The following BNC2 variants were observed in gnomAD, a reference collection of about 807,000 sequenced individuals.
BNC2 encodes zinc finger protein basonuclin-2.
A neutral mutation model predicts 76.3 loss-of-function variants in BNC2; 20 were observed. The ratio of observed to expected loss-of-function variants is 0.26; its 90% CI spans 0.18 to 0.38. BNC2 has a LOEUF of 0.38. BNC2 is among the 10% of genes least tolerant of loss of function. BNC2 has a pLI of 1.00. For missense variants in BNC2, 1,382 were observed against 1,399.8 expected (o/e 0.99, Z 0.20); for synonymous variants, 582 against 514.8 (o/e 1.13, Z -1.77).
chr9:16,678,777 T>C (rs1275423384), intron 3 of BNC2, among the ~76,000 whole-genome samples: 1 of 151,984 alleles, frequency 6.6e-6, no homozygotes, highest in Non-Finnish European at 1.5e-5. Context: ...CATTGATCCA[T>C]TTAGTGCACA....
At chr9:16,815,555 T>C (rs75367950) in intron 1 of BNC2, among the ~76,000 whole-genome samples, 2,958 of 152,302 alleles carry the variant, frequency 0.019, 97 homozygotes, top group African/African-American at 0.068. Flanking sequence ...AAGTCAATGA[T>C]GATAGAGTTC....
intron 6 of BNC2, chr9:16,431,307 G>T: frequency 4.0e-6 from 1 of 247,024 alleles, no homozygotes; most frequent in South Asian, 4.3e-5. Flanking sequence ...TTATAAATAG[G>T]CTTCCCTTCA....
intron 3 of BNC2, among the ~76,000 whole-genome samples, chr9:16,594,373 G>A (rs1393687311): frequency 1.3e-5 from 2 of 152,050 alleles, no homozygotes; most frequent in African/African-American, 4.8e-5. Flanking sequence ...CAATGTGAAG[G>A]GCTCCCTAAA....
intron 3 of BNC2, among the ~76,000 whole-genome samples, chr9:16,653,585 T>A (rs534016438): frequency 6.6e-5 from 10 of 152,112 alleles, no homozygotes; most frequent in African/African-American, 2.4e-4. Flanking sequence ...GGGAAGTGTT[T>A]GGGAAACAGA....
At chr9:16,614,038 C>A (rs916417374) in intron 3 of BNC2, among the ~76,000 whole-genome samples, 6 of 152,150 alleles carry the variant, frequency 3.9e-5, no homozygotes, top group Non-Finnish European at 8.8e-5. Context: ...GGAGCCAAAC[C>A]TAATGAAACA....
At chr9:16,670,347 A>T (rs1430846714) in intron 3 of BNC2, among the ~76,000 whole-genome samples, 3 of 152,128 alleles carry the variant, frequency 2.0e-5, no homozygotes, top group Non-Finnish European at 4.4e-5. Flanking sequence ...ACAAGGTCTC[A>T]CTCTGTCACC....
chr9:16,558,044 C>T (rs1347506000), intron 4 of BNC2, among the ~76,000 whole-genome samples: 1 of 152,096 alleles, frequency 6.6e-6, no homozygotes, highest in Non-Finnish European at 1.5e-5. Flanking sequence ...GATGGGGTTT[C>T]CCCATGTTGT....
chr9:16,808,928 G>A (rs1817978225), intron 1 of BNC2, among the ~76,000 whole-genome samples: 1 of 151,998 alleles, frequency 6.6e-6, no homozygotes, highest in South Asian at 2.1e-4. Context: ...AGGTACTAAT[G>A]TACTTGGCTG....
At chr9:16,580,094 G>C in intron 4 of BNC2, 1 of 398,542 alleles carries the variant, frequency 2.5e-6, no homozygotes, top group Non-Finnish European at 4.4e-6. Flanking sequence ...CAGCCGGAAA[G>C]AATGCTGTGT....
In BNC2 at chr9:16,676,796, A is replaced by AG. The variant is rs1455360702; in HGVS notation, c.330+51000dup. On this transcript the variant is annotated intron_variant, in intron 3 of 6. Transcript: ENST00000380672. ...CACACCCAAGTGAGAACAAGGGAGG[A>AG]GAAAAAAAAAGCAAGTTCATGAACT... 2.0e-5 allele frequency among the ~76,000 whole-genome samples: 3 copies of AG among 152,206 alleles called. 1 individual carries two copies. Among genetic ancestry groups the AG allele is most frequent in the Non-Finnish European group, 1.5e-5 (1 of 68,040 alleles).
intron 5 of BNC2, among the ~76,000 whole-genome samples, chr9:16,500,284 G>A (rs1421865917): frequency 6.6e-6 from 1 of 150,852 alleles, no homozygotes; most frequent in Non-Finnish European, 1.5e-5. Context: ...AACCTTGCCT[G>A]TCCCCAAACC....
Position 16,421,318 on chromosome 9 carries a change from C to G in BNC2, c.2640-1669G>C, listed in dbSNP as rs887087500. ...TTGCTAAATCGATCACAAAAGAAAG[C>G]AAGAATAAGAGACAGAGAGAGAGAA... On this transcript the variant is annotated intron_variant, in intron 6 of 6. Transcript: ENST00000380672. The G allele has an allele frequency of 3.8e-5, 49 of 1,273,934 alleles. No individual in the cohort carries two copies. The African/African-American group carries it at 6.9e-4, about 18-fold the overall frequency. The allele number at this position is 1,273,934 out of a possible 1,614,324, so 78.9% of individuals were successfully genotyped here. A position where few individuals can be genotyped will look rare whatever the true frequency, so the allele number is the denominator to read the frequency against.
chr9:16,754,515 T>G (rs920543723), intron 1 of BNC2, among the ~76,000 whole-genome samples: 13 of 152,132 alleles, frequency 8.5e-5, no homozygotes, highest in African/African-American at 3.1e-4. Context: ...ACCCCATATT[T>G]CATTTTCCAA....
At chr9:16,614,958 T>TTAAAAAA (rs1820655766) in intron 3 of BNC2, among the ~76,000 whole-genome samples, 3 of 62,520 alleles carry the variant, frequency 4.8e-5, no homozygotes, top group African/African-American at 2.0e-4. Flanking sequence ...TCTGTCTCTT[T>TTAAAAAA]AAAAAAAAAA....
rs74375983 is a variant in BNC2 at position 16,647,442 on chromosome 9, T to C, written c.331-64357A>G. On this transcript the variant is annotated intron_variant, in intron 3 of 6. Coordinates refer to ENST00000380672, the MANE Select transcript of BNC2 (RefSeq NM_017637.6). ...TGACAGAGGCCGACCTGGTTAGCTA[T>C]GTGGCTCAGGGAAAGGAGGTCAAAG... is the stretch of plus-strand genomic sequence containing the variant. 2.6e-4 allele frequency among the ~76,000 whole-genome samples: 39 copies of C among 152,236 alleles called. 3 individuals are homozygous for C. The East Asian group carries it at 7.0e-3, about 27-fold the overall frequency.
At chr9:16,548,169 G>A (rs1001762627) in intron 5 of BNC2, among the ~76,000 whole-genome samples, 2 of 152,256 alleles carry the variant, frequency 1.3e-5, no homozygotes, top group Admixed American at 6.5e-5. Context: ...CAGACAGGCT[G>A]GTGGATGAGC....
At chr9:16,442,983 C>A (rs372340702) in intron 5 of BNC2, among the ~76,000 whole-genome samples, 1 of 150,450 alleles carries the variant, frequency 6.6e-6, no homozygotes, top group East Asian at 2.0e-4. Context: ...CAGAGGGCAC[C>A]TCTAACCCCA....
intron 5 of BNC2, among the ~76,000 whole-genome samples, chr9:16,490,927 G>C (rs1822265865): frequency 6.6e-6 from 1 of 152,122 alleles, no homozygotes; most frequent in Non-Finnish European, 1.5e-5. Flanking sequence ...GAGTCAAGCA[G>C]AATTGAATAA....
rs564792747 is a variant in BNC2 at position 16,649,240 on chromosome 9, G to A, written c.331-66155C>T. On this transcript the variant is annotated intron_variant, in intron 3 of 6. Coordinates refer to ENST00000380672, the MANE Select transcript of BNC2 (RefSeq NM_017637.6). ...GCATCTTGGAGTTGCAAAGCAGTGTGTGCTATCCACCTGAACCACCCAGTG... is the reference window on the plus strand; with the variant it reads ...GCATCTTGGAGTTGCAAAGCAGTGTATGCTATCCACCTGAACCACCCAGTG... Among the ~76,000 whole-genome samples the A allele has an allele frequency of 1.2e-4, 19 of 152,312 alleles. No homozygotes were observed. In the South Asian group the frequency reaches 3.1e-3, roughly 25 times the overall value.
Sources: allele counts gnomAD v4.1 joint callset (sites outside exome capture counted in the v4.1 genomes callset), GRCh38; gene constraint gnomAD v4.1.1; transcripts MANE v1.5; gene names NCBI Gene and HGNC (gene_info 2026-07-23, HGNC 2026-07-21).